SCNN1B: variants seen among roughly 807,000 people sequenced by gnomAD.
The protein encoded by SCNN1B is sodium channel epithelial 1 subunit beta.
In SCNN1B, 46 loss-of-function variants were observed where a neutral mutation model predicts 65.3. That is an observed-to-expected ratio of 0.70 (90% CI 0.56 to 0.90). SCNN1B has a LOEUF of 0.90. SCNN1B is among the 40% of genes least tolerant of loss of function. The pLI, the probability that SCNN1B is intolerant of heterozygous loss-of-function variation, is 0.00. For synonymous variants in SCNN1B, 349 were observed against 330.6 expected (o/e 1.06, Z -0.60); for missense variants, 751 against 830.5 (o/e 0.90, Z 1.18).
intron 1 of SCNN1B, among the ~76,000 whole-genome samples, chr16:23,334,183 G>A (rs374266592): frequency 2.0e-5 from 3 of 152,148 alleles, no homozygotes; most frequent in Non-Finnish European, 2.9e-5. Flanking sequence ...AACACGTGGG[G>A]CAGCGACCCC....
intron 10 of SCNN1B, 82 bp from the exon 11 acceptor site, chr16:23,378,624 T>C (rs1962963836): frequency 1.5e-6 from 2 of 1,315,134 alleles, no homozygotes; most frequent in East Asian, 2.3e-5. Context: ...AGGGCTGTGG[T>C]CTACCTCCCC....
chr16:23,283,291 G>A (rs1243100434), intron 1 of SCNN1B, among the ~76,000 whole-genome samples: 1 of 152,128 alleles, frequency 6.6e-6, no homozygotes, highest in East Asian at 1.9e-4. Context: ...CATGCCTGTA[G>A]TCCCAGCTAC....
chr16:23,297,426 T>A (rs1280170910), upstream of SCNN1B, among the ~76,000 whole-genome samples: 2 of 152,162 alleles, frequency 1.3e-5, no homozygotes, highest in Non-Finnish European at 2.9e-5. Context: ...TACCCCAAGA[T>A]GGCTTAGCAA....
At chr16:23,343,463 AG>A (rs771632779) in intron 1 of SCNN1B, among the ~76,000 whole-genome samples, 7,674 of 124,180 alleles carry the variant, frequency 0.062, 1,331 homozygotes, top group African/African-American at 0.29. Context: ...AAATAAAAAA[AG>A]GAAAAGAAAG....
intron 2 of SCNN1B, 58 bp from the exon 3 acceptor site, chr16:23,352,741 CAT>C: frequency 6.3e-7 from 1 of 1,589,546 alleles, no homozygotes; most frequent in Non-Finnish European, 8.6e-7. Flanking sequence ...TCCCAGATTT[CAT>C]TTGCTCTGCT....
At chr16:23,374,677 C>T (rs1375565553) in intron 7 of SCNN1B, among the ~76,000 whole-genome samples, 1 of 151,798 alleles carries the variant, frequency 6.6e-6, no homozygotes, top group African/African-American at 2.4e-5. Context: ...GCCCTGATTT[C>T]CTGCCCTCAG....
intron 4 of SCNN1B, among the ~76,000 whole-genome samples, chr16:23,364,161 C>T (rs1030357491): frequency 1.3e-5 from 2 of 152,012 alleles, no homozygotes; most frequent in Non-Finnish European, 2.9e-5. Flanking sequence ...AGTGAAACTC[C>T]ATCTCAAAAT....
chr16:23,307,295 C>CA (rs1555483574), intron 1 of SCNN1B, among the ~76,000 whole-genome samples: 2 of 113,318 alleles, frequency 1.8e-5, no homozygotes, highest in Non-Finnish European at 3.4e-5. Context: ...GCCTGTGCTC[C>CA]TTTTTTTTTT....
At chr16:23,378,834 T>C in intron 11 of SCNN1B, 67 bp downstream of exon 11, 5 of 1,434,764 alleles carry the variant, frequency 3.5e-6, no homozygotes, top group Non-Finnish European at 4.9e-6. Context: ...GGCAGGAGTT[T>C]GGACACAGGA....
chr16:23,325,693 T>G (rs1364501019), intron 1 of SCNN1B, among the ~76,000 whole-genome samples: 2 of 152,094 alleles, frequency 1.3e-5, no homozygotes, highest in East Asian at 1.9e-4. Flanking sequence ...TTCTGCCAAA[T>G]AGTAGAAACT....
At chr16:23,378,554 A>G (rs952479122) in intron 10 of SCNN1B, 152 bp from the exon 11 acceptor site, 11 of 736,062 alleles carry the variant, frequency 1.5e-5, no homozygotes, top group Non-Finnish European at 2.7e-5. Context: ...AGCTTCCACT[A>G]CGACCTTCCT....
intron 2 of SCNN1B, among the ~76,000 whole-genome samples, chr16:23,284,548 G>C (rs1395604071): frequency 6.6e-6 from 1 of 152,166 alleles, no homozygotes; most frequent in Non-Finnish European, 1.5e-5. Flanking sequence ...CACAACGAAG[G>C]CACTCCATAA....
At chr16:23,297,418 C>A (rs1488409948), upstream of SCNN1B, among the ~76,000 whole-genome samples, 1 of 152,184 alleles carries the variant, frequency 6.6e-6, no homozygotes, top group African/African-American at 2.4e-5. Context: ...GCAACAGATA[C>A]CCCAAGATGG....
chr16:23,349,216 G>C (rs1308708940), intron 2 of SCNN1B, among the ~76,000 whole-genome samples: 1 of 152,022 alleles, frequency 6.6e-6, no homozygotes, highest in Non-Finnish European at 1.5e-5. Flanking sequence ...AGGTGCAGTG[G>C]CCTGTAATAA....
In SCNN1B at chr16:23,326,540, C is replaced by T. The variant is rs536961108; in HGVS notation, c.-8-22052C>T. On this transcript the variant is annotated intron_variant, in intron 1 of 12. Transcript: ENST00000343070. ...AGTGCTGTGGTGTGATTTCGGCTCA[C>T]TGCAAACTCTGCCTCCCAGGGTCAA... 3.9e-4 allele frequency among the ~76,000 whole-genome samples: 60 copies of T among 152,228 alleles called. 1 individual carries two copies. The highest frequency in any genetic ancestry group is 1.4e-3 in the African/African-American group (57 of 41,544).
In SCNN1B at chr16:23,349,914, A is replaced by T. The variant is rs1194622024; in HGVS notation, c.311+1004A>T. On this transcript the variant is annotated intron_variant, in intron 2 of 12. Coordinates refer to ENST00000343070, the MANE Select transcript of SCNN1B (RefSeq NM_000336.3). ...GGAGTTTGAGACCAGTCTGGCCAAC[A>T]TGGTGAAACCTCAACTCTACTAAAA... 2.6e-5 allele frequency among the ~76,000 whole-genome samples: 4 copies of T among 152,188 alleles called. No individual in the cohort carries two copies. In the East Asian group the frequency reaches 7.7e-4, roughly 29 times the overall value.
chr16:23,378,788 G>A (rs1365344564), intron 11 of SCNN1B, 21 bp downstream of exon 11: 2 of 1,612,996 alleles, frequency 1.2e-6, no homozygotes, highest in Admixed American at 1.7e-5. Context: ...GCCTGGGCGG[G>A]GCTGGGGAAG....
At chr16:23,378,041 CT>C (rs931239446) in intron 10 of SCNN1B, among the ~76,000 whole-genome samples, 4 of 152,176 alleles carry the variant, frequency 2.6e-5, no homozygotes, top group African/African-American at 9.6e-5. Context: ...CAGGGGCTTC[CT>C]CTGTCGCCCA....
At chr16:23,376,037 G>C (rs1962887852) in intron 8 of SCNN1B, among the ~76,000 whole-genome samples, 182 bp downstream of exon 8, 1 of 152,232 alleles carries the variant, frequency 6.6e-6, no homozygotes, top group Non-Finnish European at 1.5e-5. Flanking sequence ...CAGGAGCCCA[G>C]CCTTCTCTCT....
Sources: gnomAD v4.1 joint callset for allele counts (sites outside exome capture counted in the v4.1 genomes callset) on GRCh38, gnomAD v4.1.1 for gene constraint, MANE v1.5 for transcripts, NCBI Gene and HGNC (gene_info 2026-07-23, HGNC 2026-07-21) for gene names.